QTRT2: variants seen among roughly 807,000 people sequenced by gnomAD.
QTRT2 encodes the protein queuine tRNA-ribosyltransferase domain containing 1.
Under a neutral mutation model 44.8 loss-of-function variants are expected in QTRT2, and 32 were observed. That is an observed-to-expected ratio of 0.71 (90% CI 0.54 to 0.96). QTRT2 has a LOEUF of 0.96. QTRT2 is among the 40% of genes least tolerant of loss of function. The probability of loss-of-function intolerance (pLI) is 0.00; values close to 1 mark genes in which losing one functional copy is unlikely to be tolerated. For synonymous variants in QTRT2, 182 were observed against 187.4 expected (o/e 0.97, Z 0.24); for missense variants, 461 against 503.1 (o/e 0.92, Z 0.80).
At chr3:114,074,820 CTTGT>C (rs1435545178) in intron 6 of QTRT2, among the ~76,000 whole-genome samples, 1 of 152,156 alleles carries the variant, frequency 6.6e-6, no homozygotes, top group African/African-American at 2.4e-5. Flanking sequence ...CAGCAATTTG[CTTGT>C]TTTTCATTTA....
At chr3:114,079,808 T>A in intron 7 of QTRT2, 98 bp from the exon 8 acceptor site, 1 of 1,152,074 alleles carries the variant, frequency 8.7e-7, no homozygotes, top group Non-Finnish European at 1.3e-6. Context: ...GTGTTTTTCA[T>A]TATTACTATT....
In QTRT2 at chr3:114,070,810, ACTGT is replaced by A; in HGVS notation, c.522_525del (p.Leu175GlyfsTer13). Reference sequence around the variant, plus strand: ...GACCGATCACTTCTTTTCTTGGATAACTGTCTGCGGCTGCAGGAAGAGTCAGAGG... The same window carrying A: ...GACCGATCACTTCTTTTCTTGGATAACTGCGGCTGCAGGAAGAGTCAGAGG... On this transcript the variant is annotated frameshift_variant, in exon 6 of 10. Transcript: ENST00000281273. LOFTEE classifies it high-confidence loss of function. The A allele has an allele frequency of 6.2e-7, 1 of 1,613,992 alleles. No individual in the cohort carries two copies. The highest frequency in any genetic ancestry group is 8.5e-7 in the Non-Finnish European group (1 of 1,179,944).
rs2077231967 is a variant in QTRT2 at position 114,085,957 on chromosome 3, A to G, written c.*53A>G. The G allele has an allele frequency of 7.7e-7, 1 of 1,302,840 alleles. No homozygotes were observed. Among genetic ancestry groups the G allele is most frequent in the Non-Finnish European group, 1.1e-6 (1 of 897,338 alleles). The allele number at this position is 1,302,840 out of a possible 1,614,324, so 80.7% of individuals were successfully genotyped here. The stretch of plus-strand genomic sequence containing the variant: ...CACACTGAGCCTGTACCACTGTTGT[A>G]ACATGGGAAGACGTGAAGAAGAAAT... On this transcript the variant is annotated 3_prime_UTR_variant, in exon 10 of 10. Transcript: ENST00000281273.
At chr3:114,057,957 C>G (rs1025992584) in intron 2 of QTRT2, among the ~76,000 whole-genome samples, 1 of 152,210 alleles carries the variant, frequency 6.6e-6, no homozygotes, top group Admixed American at 6.5e-5. Flanking sequence ...GATGGAACTT[C>G]TAATAAGCTC....
At position 114,056,773 on chromosome 3, in the gene QTRT2, T is replaced by A. The variant is rs1054229661; in HGVS notation, c.-221T>A. The A allele has an allele frequency of 6.7e-6, 10 of 1,501,678 alleles. No homozygotes were observed. In the African/African-American group the frequency reaches 1.2e-4, roughly 19 times the overall value. The allele number at this position is 1,501,678 out of a possible 1,614,324, so 93.0% of individuals were successfully genotyped here. A position where few individuals can be genotyped will look rare whatever the true frequency, so the allele number is the denominator to read the frequency against. On this transcript the variant is annotated 5_prime_UTR_variant, in exon 1 of 10. Coordinates refer to ENST00000281273, the MANE Select transcript of QTRT2 (RefSeq NM_024638.4). Reference sequence around the variant, plus strand: ...ATTGGCTCTGCACTGGAGGCAGTGATTTTGGGGCAGAGAATTTTGCAACAC... The same window carrying A: ...ATTGGCTCTGCACTGGAGGCAGTGAATTTGGGGCAGAGAATTTTGCAACAC...
chr3:114,066,268 G>A lies in QTRT2; in HGVS notation c.241G>A (p.Val81Ile). ...HEVLTEYKEG[V>I]GKFIGMPESL... ...AGTCTTGACAGAATATAAAGAAGGA[G>A]TTGGAAAGTTTATAGGTAAAAATTA... Residue 81 changes from valine (V) to isoleucine (I), a missense_variant, in exon 4 of 10, where the codon GTT becomes ATT. Val to Ile is a conservative substitution (Grantham distance 29). Coordinates refer to ENST00000281273, the MANE Select transcript of QTRT2 (RefSeq NM_024638.4). 1.2e-6 allele frequency: 2 copies of A among 1,606,204 alleles called. No individual in the cohort carries two copies. The highest frequency in any genetic ancestry group is 2.2e-5 in the South Asian group (2 of 90,926).
chr3:114,085,548 C>G (rs2077224363), intron 9 of QTRT2, 125 bp from the exon 10 acceptor site: 9 of 821,538 alleles, frequency 1.1e-5, no homozygotes, highest in Non-Finnish European at 1.9e-5. Flanking sequence ...AGCAGGTGCA[C>G]AGCACTGAAC....
At position 114,065,356 on chromosome 3, in the gene QTRT2, C is replaced by T. The variant is rs2076938310; in HGVS notation, c.99C>T (p.Cys33=). 1 of 1,613,978 alleles carries T rather than the reference C, an allele frequency of 6.2e-7. No homozygotes were observed. The highest frequency in any genetic ancestry group is 8.5e-7 in the Non-Finnish European group (1 of 1,179,994). Residue 33 remains cysteine (C), a synonymous_variant, in exon 3 of 10, where the codon TGC becomes TGT. Transcript: ENST00000281273. ...ACCACACCATGGATATTCCAGGCTGCCTTCTGTATACCAAGACTGGCTCCG... is the reference window on the plus strand; with the variant it reads ...ACCACACCATGGATATTCCAGGCTGTCTTCTGTATACCAAGACTGGCTCCG... ...TGDHTMDIPG[C]LLYTKTGSAP... is the part of the protein sequence containing the mutation.
chr3:114,056,919 G>C, intron 1 of QTRT2, 55 bp downstream of exon 1: 2 of 1,526,738 alleles, frequency 1.3e-6, no homozygotes, highest in African/African-American at 2.7e-5. Flanking sequence ...GATGAGTCAC[G>C]TCGCGTCCAG....
rs2076938382 is a variant in QTRT2, at chr3:114,065,358, T to C, written c.101T>C (p.Leu34Pro). 1 of 1,614,014 alleles carries C rather than the reference T, an allele frequency of 6.2e-7. No homozygotes were observed. The highest frequency in any genetic ancestry group is 8.5e-7 in the Non-Finnish European group (1 of 1,180,010). ...GDHTMDIPGCLLYTKTGSAPH... is the reference protein window; with the variant it reads ...GDHTMDIPGCPLYTKTGSAPH... The stretch of plus-strand genomic sequence containing the variant: ...CACACCATGGATATTCCAGGCTGCC[T>C]TCTGTATACCAAGACTGGCTCCGCC... Residue 34 changes from leucine to proline, a missense_variant, in exon 3 of 10, where the codon CTT (leucine) becomes CCT (proline). Coordinates refer to ENST00000281273, the MANE Select transcript of QTRT2 (RefSeq NM_024638.4).
chr3:114,063,964 C>G (rs2076919994), intron 2 of QTRT2, among the ~76,000 whole-genome samples: 1 of 152,132 alleles, frequency 6.6e-6, no homozygotes, highest in South Asian at 2.1e-4. Context: ...CTTGTTACCT[C>G]AGCACTTTGG....
intron 5 of QTRT2, among the ~76,000 whole-genome samples, chr3:114,069,041 G>A (rs540225909): frequency 1.0e-3 from 149 of 148,524 alleles, no homozygotes; most frequent in East Asian, 3.7e-3. Context: ...GTGATAGAGC[G>A]AGACTCTGTC....
At position 114,087,998 on chromosome 3, in the gene QTRT2, A is replaced by G. The variant is rs1427388822; in HGVS notation, c.*2094A>G. The G allele has an allele frequency of 6.6e-6, 1 of 152,224 alleles. No homozygotes were observed. 9.4% of individuals were successfully genotyped at this position (152,224 alleles called of 1,614,324 possible). On this transcript the variant is annotated 3_prime_UTR_variant, in exon 10 of 10. Coordinates refer to ENST00000281273, the MANE Select transcript of QTRT2 (RefSeq NM_024638.4). ...TCTTTTTCTTAGTATGGGAGTGTCC[A>G]TGAATAAATTCATGGGCATCCTCAT...
chr3:114,070,649 A>C lies in QTRT2; in HGVS notation c.357A>C (p.Ala119=). Residue 119 remains alanine (A), a synonymous_variant, in exon 6 of 10, where the codon GCA becomes GCC. Transcript: ENST00000281273. ...TNKSVSVWSV[A]GRVEMTVSKF... ...AGTCTGTGTCTGTGTGGAGTGTTGC[A>C]GGACGAGTGGAAATGACTGTTTCCA... The C allele has an allele frequency of 6.2e-7, 1 of 1,614,128 alleles. No individual in the cohort carries two copies. The highest frequency in any genetic ancestry group is 2.2e-5 in the East Asian group (1 of 44,888).
intron 5 of QTRT2, among the ~76,000 whole-genome samples, chr3:114,069,069 T>C (rs868797882): frequency 6.8e-6 from 1 of 147,016 alleles, no homozygotes; most frequent in Non-Finnish European, 1.5e-5. Context: ...AAAAAAAAAA[T>C]ACTTTGACTT....
At chr3:114,060,496 G>GTAGGTAGGTAGATAGATAGA (rs74776205) in intron 2 of QTRT2, among the ~76,000 whole-genome samples, 64 of 144,546 alleles carry the variant, frequency 4.4e-4, no homozygotes, top group Middle Eastern at 3.5e-3. Context: ...AGGTAGGTAG[G>GTAGGTAGGTAGATAGATAGA]TAGATAGATA....
chr3:114,069,238 T>C (rs919078433), intron 5 of QTRT2, among the ~76,000 whole-genome samples: 3 of 152,128 alleles, frequency 2.0e-5, no homozygotes, highest in African/African-American at 7.2e-5. Flanking sequence ...AATTTTTTTT[T>C]CCCTTTTTTT....
chr3:114,074,106 G>A (rs2077059128), intron 6 of QTRT2, among the ~76,000 whole-genome samples: 1 of 152,204 alleles, frequency 6.6e-6, no homozygotes, highest in Admixed American at 6.5e-5. Context: ...TGTGGAATCA[G>A]GAGTAGAGAG....
At chr3:114,067,548 T>C (rs1227253126) in intron 4 of QTRT2, among the ~76,000 whole-genome samples, 2 of 152,216 alleles carry the variant, frequency 1.3e-5, no homozygotes, top group Non-Finnish European at 2.9e-5. Flanking sequence ...ATTCTGCCCC[T>C]AGGGACCCAT....
Sources: allele counts gnomAD v4.1 joint callset (sites outside exome capture counted in the v4.1 genomes callset), GRCh38; gene constraint gnomAD v4.1.1; transcripts MANE v1.5; gene names NCBI Gene and HGNC (gene_info 2026-07-23, HGNC 2026-07-21).